ZNF175: variants seen among roughly 807,000 people sequenced by gnomAD.
ZNF175 encodes the protein zinc finger protein 175, also known as zinc finger protein OTK18.
ZNF175 carries 8 observed loss-of-function variants against 14.0 expected under a neutral mutation model. The ratio of observed to expected loss-of-function variants is 0.57; its 90% confidence interval spans 0.34 to 1.03. The LOEUF is 1.03. Ranked by LOEUF, ZNF175 falls within the 50% of genes least tolerant of loss-of-function variation. ZNF175 has a pLI of 0.03. For synonymous variants in ZNF175, 255 were observed against 296.8 expected, an observed-to-expected ratio of 0.86 and a Z score of 1.45; for missense variants, 764 against 849.5, an observed-to-expected ratio of 0.90 and a Z score of 1.25.
At chr19:51,573,423 G>T (rs1227161136) in intron 2 of ZNF175, 22 bp downstream of exon 2, 4 of 1,612,362 alleles carry the variant, frequency 2.5e-6, no homozygotes, top group Non-Finnish European at 3.4e-6. Context: ...CAGCCCTGGG[G>T]ATAGTTCTCC....
Position 51,587,804 on chromosome 19 carries a change from T to G in ZNF175, c.1473T>G (p.Asp491Glu). ...GKSFISKSQL[D>E]IHHRIHTGEK... ...CCTTCATTTCCAAGTCACAGCTTGA[T>G]ATACATCATCGAATTCATACAGGGG... Residue 491 changes from aspartate to glutamate, a missense_variant, in exon 5 of 5, where the codon GAT becomes GAG. Physicochemically the swap from Asp to Glu is conservative, Grantham distance 45. Coordinates refer to ENST00000262259, the MANE Select transcript of ZNF175 (RefSeq NM_007147.4). The G allele has an allele frequency of 6.2e-7, 1 of 1,614,110 alleles. No individual in the cohort carries two copies.
rs1981658047 is a variant in ZNF175, at chr19:51,573,358, A to G, written c.29A>G (p.Lys10Arg). Residue 10 changes from lysine (K) to arginine (R), a missense_variant, in exon 2 of 5, where the codon AAG becomes AGG. Coordinates refer to ENST00000262259, the MANE Select transcript of ZNF175 (RefSeq NM_007147.4). ...CCTGCTGATGTGAATTTATCCCAGAAGCCTCAGGTCCTGGGTCCAGAGAAG... is the reference window on the plus strand; with the variant it reads ...CCTGCTGATGTGAATTTATCCCAGAGGCCTCAGGTCCTGGGTCCAGAGAAG... MPADVNLSQ[K>R]PQVLGPEKQD... 5 of 1,612,688 alleles carry G rather than the reference A, an allele frequency of 3.1e-6. No homozygotes were observed. The highest frequency in any genetic ancestry group is 4.2e-6 in the Non-Finnish European group (5 of 1,179,464).
rs1469269500 is a variant in ZNF175, at chr19:51,587,875, A to T, written c.1544A>T (p.Lys515Met). Residue 515 changes from lysine to methionine, a missense_variant, in exon 5 of 5, where the codon AAG becomes ATG. Transcript: ENST00000262259. ...CSDCGKTFTQ[K>M]SHLNIHQKIH... ...GACTGTGGAAAAACCTTCACCCAAA[A>T]GTCACACCTGAATATACACCAGAAA... 6 of 1,614,134 alleles carry T rather than the reference A, an allele frequency of 3.7e-6. No homozygotes were observed. The Admixed American group carries it at 1.0e-4, about 27-fold the overall frequency.
chr19:51,581,416 C>T lies in ZNF175; in HGVS notation c.98C>T (p.Thr33Ile). ...CEASVSFEDV[T>I]VDFSREEWQQ... Reference sequence around the variant, plus strand: ...GCATCAGTGTCATTTGAGGACGTGACCGTGGACTTCAGCAGGGAGGAGTGG... The same window carrying T: ...GCATCAGTGTCATTTGAGGACGTGATCGTGGACTTCAGCAGGGAGGAGTGG... Residue 33 changes from threonine to isoleucine, a missense_variant, in exon 3 of 5, where the codon ACC (threonine) becomes ATC (isoleucine). Transcript: ENST00000262259. 1 of 1,614,076 alleles carries T rather than the reference C, an allele frequency of 6.2e-7. No individual in the cohort carries two copies. Among genetic ancestry groups the T allele is most frequent in the Non-Finnish European group, 8.5e-7 (1 of 1,180,024 alleles).
chr19:51,587,821 A>G lies in ZNF175; in HGVS notation c.1490A>G (p.His497Arg), dbSNP rs990995141. ...KSQLDIHHRI[H>R]TGEKPYECSD... is the part of the protein sequence containing the mutation. ...CAGCTTGATATACATCATCGAATTC[A>G]TACAGGGGAGAAACCTTATGAATGC... Residue 497 changes from histidine to arginine, a missense_variant, in exon 5 of 5, where the codon CAT becomes CGT. Physicochemically the swap from His to Arg is conservative, Grantham distance 29. Coordinates refer to ENST00000262259, the MANE Select transcript of ZNF175 (RefSeq NM_007147.4). 2 of 1,614,200 alleles carry G rather than the reference A, an allele frequency of 1.2e-6. No homozygotes were observed. Among genetic ancestry groups the G allele is most frequent in the Non-Finnish European group, 1.7e-6 (2 of 1,180,032 alleles).
intron 1 of ZNF175, among the ~76,000 whole-genome samples, chr19:51,572,881 C>T (rs1981642145): frequency 6.6e-6 from 1 of 152,204 alleles, no homozygotes; most frequent in African/African-American, 2.4e-5. Context: ...TTCCCAACAT[C>T]TGTGATAAAT....
chr19:51,575,128 A>G (rs1981728049), intron 2 of ZNF175, among the ~76,000 whole-genome samples: 1 of 145,266 alleles, frequency 6.9e-6, no homozygotes, highest in Non-Finnish European at 1.5e-5. Context: ...TTATTGGTCA[A>G]TTACTTGTCT....
chr19:51,583,439 C>T (rs1308414980), intron 4 of ZNF175, among the ~76,000 whole-genome samples: 1 of 152,068 alleles, frequency 6.6e-6, no homozygotes, highest in Admixed American at 6.6e-5. Flanking sequence ...ACACAGTCCT[C>T]TAATTTAATT....
chr19:51,576,155 T>G (rs868071983), intron 2 of ZNF175, among the ~76,000 whole-genome samples: 2,433 of 147,230 alleles, frequency 0.017, 60 homozygotes, highest in African/African-American at 0.056. Flanking sequence ...TTTTTTTGTT[T>G]TTTTTTTTTT....
chr19:51,577,910 G>A (rs371856486), intron 2 of ZNF175, among the ~76,000 whole-genome samples: 22 of 151,058 alleles, frequency 1.5e-4, no homozygotes, highest in South Asian at 2.1e-4. Flanking sequence ...TGATCCGCCC[G>A]CCTTGGCCTC....
rs546225746 is a variant in ZNF175, at chr19:51,573,476, C to T, written c.72+75C>T. 1,984 of 1,459,638 alleles carry T rather than the reference C, an allele frequency of 1.4e-3. 4 individuals carry two copies. The highest frequency in any genetic ancestry group is 1.7e-3 in the Non-Finnish European group (1,751 of 1,054,550). The allele number at this position is 1,459,638 out of a possible 1,614,324, so 90.4% of individuals were successfully genotyped here. A position where few individuals can be genotyped will look rare whatever the true frequency, so the allele number is the denominator to read the frequency against. ...ACAGGATGCAGCAGGTCTGGGCTCC[C>T]TGCTCCTGAGTCAGTCTTGAGCCTC... On this transcript the variant is annotated intron_variant, in intron 2 of 4. Transcript: ENST00000262259.
intron 2 of ZNF175, among the ~76,000 whole-genome samples, chr19:51,580,900 G>C (rs971033690): frequency 6.6e-6 from 1 of 152,212 alleles, no homozygotes; most frequent in African/African-American, 2.4e-5. Context: ...CTCCTAGGTA[G>C]AATTTGCCTT....
At position 51,587,608 on chromosome 19, in the gene ZNF175, A is replaced by T. The variant is rs771196366; in HGVS notation, c.1277A>T (p.Lys426Ile). 1.9e-6 allele frequency: 3 copies of T among 1,614,214 alleles called. No individual in the cohort carries two copies. The South Asian group carries it at 3.3e-5, about 18-fold the overall frequency. The change falls in exon 5 of 5, where the codon AAA becomes ATA. Residue 426 changes from lysine (K) to isoleucine (I), a missense_variant. Transcript: ENST00000262259. ...CAGTATGCATGCAGTGAATGTGGGA[A>T]AGCCTTTACCCAGAAGTCAACACTC... ...ERQYACSECG[K>I]AFTQKSTLSL...
chr19:51,576,207 A>G (rs1005201181), intron 2 of ZNF175, among the ~76,000 whole-genome samples: 2 of 148,772 alleles, frequency 1.3e-5, no homozygotes, highest in Admixed American at 6.8e-5. Flanking sequence ...CTGGAGTGCA[A>G]TGGCGCGATC....
chr19:51,573,275 T>G lies in ZNF175; in HGVS notation c.-55T>G. On this transcript the variant is annotated 5_prime_UTR_variant, in exon 2 of 5. Transcript: ENST00000262259. ...AAACACCTATCCAGCTTCTGGCTCC[T>G]GGGAAAAGTGGAGTTGTCAGCAAGA... 3 of 1,589,486 alleles carry G rather than the reference T, an allele frequency of 1.9e-6. No individual in the cohort carries two copies. Among genetic ancestry groups the G allele is most frequent in the Non-Finnish European group, 2.6e-6 (3 of 1,160,172 alleles).
rs149700967 is a variant in ZNF175 at position 51,588,391 on chromosome 19, A to G, written c.2060A>G (p.Asn687Ser). ...GKAFNNRSNFNKHQTTHTRDK... is the reference protein window; with the variant it reads ...GKAFNNRSNFSKHQTTHTRDK... ...GCCTTCAACAACAGGTCAAACTTCA[A>G]TAAACACCAAACAACTCATACCAGA... The change falls in exon 5 of 5, where the codon AAT (asparagine) becomes AGT (serine). Residue 687 changes from asparagine to serine, a missense_variant. Transcript: ENST00000262259. 5 of 1,611,402 alleles carry G rather than the reference A, an allele frequency of 3.1e-6. No individual in the cohort carries two copies. Among genetic ancestry groups the G allele is most frequent in the Non-Finnish European group, 4.2e-6 (5 of 1,179,294 alleles).
chr19:51,577,033 T>C (rs1981812791), intron 2 of ZNF175, among the ~76,000 whole-genome samples: 1 of 152,046 alleles, frequency 6.6e-6, no homozygotes, highest in Non-Finnish European at 1.5e-5. Context: ...CAGAGTGACA[T>C]CCTGTCTCAA....
chr19:51,578,120 C>T (rs746195665), intron 2 of ZNF175, among the ~76,000 whole-genome samples: 6 of 151,794 alleles, frequency 4.0e-5, no homozygotes, highest in East Asian at 1.9e-4. Flanking sequence ...AAAACGAGGC[C>T]GGATGCAGTG....
chr19:51,577,809 GCC>G (rs1474891863), intron 2 of ZNF175, among the ~76,000 whole-genome samples: 1 of 151,532 alleles, frequency 6.6e-6, no homozygotes, highest in Non-Finnish European at 1.5e-5. Flanking sequence ...GACTAAAGGC[GCC>G]CGCCACCACA....
Sources: gnomAD v4.1 joint callset for allele counts (sites outside exome capture counted in the v4.1 genomes callset) on GRCh38, gnomAD v4.1.1 for gene constraint, MANE v1.5 for transcripts, NCBI Gene and HGNC (gene_info 2026-07-23, HGNC 2026-07-21) for gene names.